The following GABRB1 variants were observed in gnomAD, a reference collection of about 807,000 sequenced individuals.
GABRB1 encodes gamma-aminobutyric acid type A receptor subunit beta1, also known as gamma-aminobutyric acid receptor subunit beta-1.
In GABRB1, 17 loss-of-function variants were observed where a neutral mutation model predicts 51.6. The ratio of observed to expected loss-of-function variants is 0.33; its 90% CI spans 0.23 to 0.49. GABRB1 has a LOEUF of 0.49. Ranked by LOEUF, GABRB1 falls within the 20% of genes least tolerant of loss-of-function variation. GABRB1 has a pLI of 0.99. For synonymous variants in GABRB1, 247 were observed against 218.9 expected, an observed-to-expected ratio of 1.13 and a Z score of -1.14; for missense variants, 410 against 600.6, an observed-to-expected ratio of 0.68 and a Z score of 3.32.
intron 1 of GABRB1, 34 bp from the exon 2 acceptor site, chr4:47,031,880 C>T (rs754314249): frequency 1.9e-6 from 3 of 1,588,978 alleles, no homozygotes; most frequent in East Asian, 2.2e-5. Context: ...AGTTTGTGCT[C>T]ATTTTGAATA....
At chr4:47,207,802 A>AACTG (rs1353592317) in intron 4 of GABRB1, among the ~76,000 whole-genome samples, 1 of 86,554 alleles carries the variant, frequency 1.2e-5, no homozygotes, top group Non-Finnish European at 2.5e-5. Flanking sequence ...GCTTGGAACT[A>AACTG]ATTTCAGTAC....
intron 4 of GABRB1, among the ~76,000 whole-genome samples, chr4:47,297,403 A>AT (rs1560320352): frequency 2.1e-5 from 2 of 96,412 alleles, no homozygotes; most frequent in Non-Finnish European, 4.4e-5. Flanking sequence ...TCAAATAGAC[A>AT]CAAAAAAAAT....
At chr4:47,355,171 G>A (rs189662798) in intron 5 of GABRB1, among the ~76,000 whole-genome samples, 4 of 151,574 alleles carry the variant, frequency 2.6e-5, no homozygotes, top group African/African-American at 9.7e-5. Flanking sequence ...TAGTAGAGAT[G>A]GGGTTTCACC....
chr4:47,040,581 G>A (rs1232411156), intron 3 of GABRB1, among the ~76,000 whole-genome samples: 1 of 152,124 alleles, frequency 6.6e-6, no homozygotes, highest in Non-Finnish European at 1.5e-5. Flanking sequence ...CACTGCTGAA[G>A]TGGACACATT....
chr4:47,145,068 A>G (rs1717100865), intron 3 of GABRB1, among the ~76,000 whole-genome samples: 1 of 150,952 alleles, frequency 6.6e-6, no homozygotes, highest in South Asian at 2.1e-4. Context: ...TCAAGAACAG[A>G]AAAAAAAATA....
At chr4:47,213,737 T>C (rs200656926) in intron 4 of GABRB1, among the ~76,000 whole-genome samples, 2 of 152,122 alleles carry the variant, frequency 1.3e-5, no homozygotes, top group East Asian at 3.9e-4. Context: ...GATTGCCATC[T>C]TCTGTTCATT....
At chr4:47,304,463 C>A (rs1238676848) in intron 4 of GABRB1, among the ~76,000 whole-genome samples, 1 of 151,900 alleles carries the variant, frequency 6.6e-6, no homozygotes, top group Non-Finnish European at 1.5e-5. Context: ...ATCCTTTGCC[C>A]ATCTTTTAAT....
intron 4 of GABRB1, among the ~76,000 whole-genome samples, chr4:47,316,937 A>G (rs369633687): frequency 1.3e-5 from 2 of 152,126 alleles, no homozygotes; most frequent in South Asian, 2.1e-4. Context: ...TTTTATATGT[A>G]TGTGCCCATT....
intron 3 of GABRB1, among the ~76,000 whole-genome samples, chr4:47,098,324 G>A (rs1714555733): frequency 6.6e-6 from 1 of 151,950 alleles, no homozygotes. Flanking sequence ...TTACTCTGGG[G>A]GGTTATTGAT....
intron 4 of GABRB1, among the ~76,000 whole-genome samples, chr4:47,254,558 G>T (rs1424645523): frequency 6.6e-6 from 1 of 151,410 alleles, no homozygotes; most frequent in Non-Finnish European, 1.5e-5. Flanking sequence ...GTTTTTAGTA[G>T]AGACGGGGTT....
chr4:47,181,232 A>T (rs1577979311), intron 4 of GABRB1, among the ~76,000 whole-genome samples: 1 of 151,774 alleles, frequency 6.6e-6, no homozygotes, highest in South Asian at 2.1e-4. Flanking sequence ...CCTTTTTTGA[A>T]CGGAATCCTA....
At chr4:47,069,218 G>A (rs751183021) in intron 3 of GABRB1, among the ~76,000 whole-genome samples, 64 of 152,188 alleles carry the variant, frequency 4.2e-4, no homozygotes, top group Non-Finnish European at 7.6e-4. Flanking sequence ...GCCTAAACCC[G>A]TGTTGTCATA....
chr4:47,314,976 G>A (rs1282065027), intron 4 of GABRB1, among the ~76,000 whole-genome samples: 16 of 151,786 alleles, frequency 1.1e-4, no homozygotes, highest in Admixed American at 5.9e-4. Context: ...CAAAGATTTC[G>A]TGATGAAGAC....
intron 8 of GABRB1, among the ~76,000 whole-genome samples, chr4:47,422,548 C>T (rs987817319): frequency 1.4e-4 from 21 of 152,192 alleles, no homozygotes; most frequent in African/African-American, 4.6e-4. Flanking sequence ...CACTATTGAC[C>T]ATTCTGTCCT....
chr4:47,217,246 A>G (rs1207630305), intron 4 of GABRB1, among the ~76,000 whole-genome samples: 1 of 151,868 alleles, frequency 6.6e-6, no homozygotes, highest in East Asian at 1.9e-4. Flanking sequence ...TTTCAACTGT[A>G]TCTATAGTAT....
intron 5 of GABRB1, among the ~76,000 whole-genome samples, chr4:47,384,563 C>T (rs945466647): frequency 6.6e-6 from 1 of 152,092 alleles, no homozygotes; most frequent in African/African-American, 2.4e-5. Flanking sequence ...AATAGTTTCC[C>T]ACATTGAGGA....
At chr4:47,241,090 G>T (rs11931599) in intron 4 of GABRB1, among the ~76,000 whole-genome samples, 50,919 of 151,796 alleles carry the variant, frequency 0.34, 8,848 homozygotes, top group African/African-American at 0.35. Context: ...CAGAAATCTG[G>T]TACTTTTCTT....
At chr4:47,188,614 A>G (rs567849347) in intron 4 of GABRB1, among the ~76,000 whole-genome samples, 93 of 152,134 alleles carry the variant, frequency 6.1e-4, no homozygotes, top group African/African-American at 2.2e-3. Flanking sequence ...TTAAAAAAAA[A>G]CATTCTTTCT....
At chr4:47,323,365 T>A (rs569359864) in intron 5 of GABRB1, among the ~76,000 whole-genome samples, 3 of 152,256 alleles carry the variant, frequency 2.0e-5, no homozygotes, top group Non-Finnish European at 4.4e-5. Flanking sequence ...AAAAAGTGAA[T>A]TAGCATATGC....
Sources: allele counts gnomAD v4.1 joint callset (sites outside exome capture counted in the v4.1 genomes callset), GRCh38; gene constraint gnomAD v4.1.1; transcripts MANE v1.5; gene names NCBI Gene and HGNC (gene_info 2026-07-23, HGNC 2026-07-21).